The following LTN1 variants were observed in gnomAD, a reference collection of about 807,000 sequenced individuals.
The protein encoded by LTN1 is E3 ubiquitin-protein ligase listerin.
In LTN1, 88 loss-of-function variants were observed where a neutral mutation model predicts 201.2. That is an observed-to-expected ratio of 0.44 (90% CI 0.37 to 0.52). LTN1 has a LOEUF of 0.52. Ranked by LOEUF, LTN1 falls within the 20% of genes least tolerant of loss-of-function variation. The pLI is 0.00. For missense variants in LTN1, 1,752 were observed against 2,038.7 expected (o/e 0.86, Z 2.71); for synonymous variants, 645 against 713.5 (o/e 0.90, Z 1.53).
Position 28,984,719 on chromosome 21 carries a change from T to C in LTN1, c.549A>G (p.Ile183Met). Residue 183 changes from isoleucine to methionine, a missense_variant, in exon 4 of 30, where the codon ATA (isoleucine) becomes ATG (methionine). Transcript: ENST00000361371. ...AFPPSKQPEA[I>M]AFCKDEITSV... ...TTGTAATTTCATCCTTACAAAATGC[T>C]ATGGCTTCAGGTTGCTTGCTTGGAG... 1 of 1,613,874 alleles carries C rather than the reference T, an allele frequency of 6.2e-7. No homozygotes were observed. The highest frequency in any genetic ancestry group is 1.1e-5 in the South Asian group (1 of 91,062).
rs917156474 is a variant in LTN1, at chr21:28,928,542, C to T, written c.*1906G>A. On this transcript the variant is annotated 3_prime_UTR_variant, in exon 30 of 30. Coordinates refer to ENST00000361371, the MANE Select transcript of LTN1 (RefSeq NM_015565.3). ...TAATCCTTTTAGTTAGAGTTGTCAA[C>T]GCTGTACAGATGTGGTATTCTGAAT... 3.0e-5 allele frequency: 3 copies of T among 100,888 alleles called. No homozygotes were observed. Among genetic ancestry groups the T allele is most frequent in the Non-Finnish European group, 5.6e-5 (3 of 53,166 alleles). 6.2% of individuals were successfully genotyped at this position (100,888 alleles called of 1,614,324 possible). A position where few individuals can be genotyped will look rare whatever the true frequency, so the allele number is the denominator to read the frequency against.
At chr21:28,953,886 G>T (rs1426602816) in intron 16 of LTN1, among the ~76,000 whole-genome samples, 10 of 152,126 alleles carry the variant, frequency 6.6e-5, no homozygotes, top group Non-Finnish European at 1.5e-5. Context: ...TACCTCACAG[G>T]ACTGCTGTGA....
chr21:28,968,708 G>T (rs1430889318), intron 9 of LTN1, among the ~76,000 whole-genome samples: 1 of 151,712 alleles, frequency 6.6e-6, no homozygotes, highest in African/African-American at 2.4e-5. Context: ...CTGCCTCCCA[G>T]GTTCAAGCAA....
At position 28,960,593 on chromosome 21, in the gene LTN1, G is replaced by A. The variant is rs767983316; in HGVS notation, c.2277C>T (p.Ser759=). The A allele has an allele frequency of 4.7e-5, 76 of 1,613,558 alleles. No homozygotes were observed. Among genetic ancestry groups the A allele is most frequent in the Middle Eastern group, 3.3e-4 (2 of 6,084 alleles). The part of the protein sequence containing the change: ...ADCLCNEDLE[S]RVSSESHFSE... ...AGAAGTGAGATTCTGAAGATACCCTGGATTCCAAGTCCTCATTACAAAGAC... is the reference window on the plus strand; with the variant it reads ...AGAAGTGAGATTCTGAAGATACCCTAGATTCCAAGTCCTCATTACAAAGAC... The change falls in exon 12 of 30, where the codon TCC becomes TCT. Residue 759 remains serine, a synonymous_variant. Coordinates refer to ENST00000361371, the MANE Select transcript of LTN1 (RefSeq NM_015565.3).
intron 17 of LTN1, 125 bp from the exon 18 acceptor site, chr21:28,952,389 C>T: frequency 1.8e-6 from 1 of 557,022 alleles, no homozygotes; most frequent in Non-Finnish European, 3.2e-6. Flanking sequence ...CATCAATTCA[C>T]CTAAGACTTT....
intron 9 of LTN1, among the ~76,000 whole-genome samples, chr21:28,968,991 C>T (rs1398888670): frequency 2.6e-5 from 4 of 151,570 alleles, no homozygotes; most frequent in East Asian, 2.0e-4. Context: ...GAAGCCGAGG[C>T]GGGTAGATCA....
rs770655020 is a variant in LTN1, at chr21:28,930,472, T to C, written c.5277A>G (p.Pro1759=). The C allele has an allele frequency of 3.7e-6, 6 of 1,613,228 alleles. No individual in the cohort carries two copies. The highest frequency in any genetic ancestry group is 3.3e-5 in the Admixed American group (2 of 59,852). Residue 1759 remains proline (P), a synonymous_variant, in exon 30 of 30, where the codon CCA becomes CCG. Coordinates refer to ENST00000361371, the MANE Select transcript of LTN1 (RefSeq NM_015565.3). ...WFTSSNKSTC[P]LCRETFF is the part of the protein sequence containing the mutation. The stretch of plus-strand genomic sequence containing the variant: ...CTCAGAAAAACGTCTCACGACACAG[T>C]GGACAAGTGGATTTGTTGCTAGATG...
rs934800211 is a variant in LTN1 at position 28,947,342 on chromosome 21, T to A, written c.3487+122A>T. On this transcript the variant is annotated intron_variant, in intron 19 of 29. Coordinates refer to ENST00000361371, the MANE Select transcript of LTN1 (RefSeq NM_015565.3). ...TGTCTAACAACACTCATCCATATAA[T>A]CTCAGAACAAATCAGCTGTAATTCA... 1.2e-5 allele frequency: 9 copies of A among 779,782 alleles called. No individual in the cohort carries two copies. The African/African-American group carries it at 1.6e-4, about 14-fold the overall frequency. 48.3% of individuals were successfully genotyped at this position (779,782 alleles called of 1,614,324 possible). A position where few individuals can be genotyped will look rare whatever the true frequency, so the allele number is the denominator to read the frequency against.
At chr21:28,982,780 G>A (rs147532635) in intron 4 of LTN1, among the ~76,000 whole-genome samples, 3 of 152,152 alleles carry the variant, frequency 2.0e-5, no homozygotes, top group South Asian at 2.1e-4. Context: ...TCAAATATAC[G>A]GAAGTCTGTT....
chr21:28,928,199 A>G lies in LTN1; in HGVS notation c.*2249T>C, dbSNP rs1304604625. On this transcript the variant is annotated 3_prime_UTR_variant, in exon 30 of 30. Transcript: ENST00000361371. ...TTAAAAATCAGAAGCAAATATGGCA[A>G]AATAGTATGTGAAGGGTACAAGGGC... 3 of 152,628 alleles carry G rather than the reference A, an allele frequency of 2.0e-5. No individual in the cohort carries two copies. Among genetic ancestry groups the G allele is most frequent in the Non-Finnish European group, 2.9e-5 (2 of 68,020 alleles). The allele number at this position is 152,628 out of a possible 1,614,324, so 9.5% of individuals were successfully genotyped here.
At chr21:28,967,242 C>T in intron 9 of LTN1, 63 bp from the exon 10 acceptor site, 1 of 1,165,200 alleles carries the variant, frequency 8.6e-7, no homozygotes, top group Non-Finnish European at 1.2e-6. Context: ...TCTCCTGGCA[C>T]ACAACTCTAA....
intron 1 of LTN1, among the ~76,000 whole-genome samples, chr21:28,988,895 G>C (rs897285361): frequency 1.3e-5 from 2 of 151,616 alleles, no homozygotes; most frequent in Non-Finnish European, 2.9e-5. Context: ...AACCCAGGGG[G>C]CAGAGATTGC....
At chr21:28,954,950 AG>A (rs2084412527) in intron 16 of LTN1, among the ~76,000 whole-genome samples, 2 of 152,204 alleles carry the variant, frequency 1.3e-5, no homozygotes, top group African/African-American at 4.8e-5. Flanking sequence ...TTAAACTAAA[AG>A]CTTTCTGCAC....
chr21:28,989,832 T>C (rs1568861630), intron 1 of LTN1, among the ~76,000 whole-genome samples: 1 of 152,072 alleles, frequency 6.6e-6, no homozygotes, highest in Non-Finnish European at 1.5e-5. Context: ...CTAGCCAACA[T>C]GGCAAAACCC....
intron 25 of LTN1, among the ~76,000 whole-genome samples, chr21:28,940,451 A>C (rs560508889): frequency 6.4e-4 from 98 of 152,334 alleles, no homozygotes; most frequent in Middle Eastern, 3.4e-3. Context: ...AACAGTTTGA[A>C]TTATTACATA....
In LTN1 at chr21:28,966,806, T is replaced by G; in HGVS notation, c.1685A>C (p.Lys562Thr). The G allele has an allele frequency of 6.2e-7, 1 of 1,613,180 alleles. No individual in the cohort carries two copies. Among genetic ancestry groups the G allele is most frequent in the Non-Finnish European group, 8.5e-7 (1 of 1,179,766 alleles). ...NEKCVSSEGE[K>T]IEGWELTTEP... is the part of the protein sequence containing the mutation. ...AGTTGTTAATTCCCAGCCTTCAATC[T>G]TCTCTCCTTCTGAAGATACACATTT... The change falls in exon 10 of 30, where the codon AAG (lysine) becomes ACG (threonine). Residue 562 changes from lysine (K) to threonine (T), a missense_variant. Around this residue, in one of 3 missense-constraint regions of LTN1, gnomAD observed 1,211 missense variants for 1,312.8 expected, o/e 0.92. Coordinates refer to ENST00000361371, the MANE Select transcript of LTN1 (RefSeq NM_015565.3).
rs755990763 is a variant in LTN1, at chr21:28,957,435, G to A, written c.2789C>T (p.Thr930Ile). ...LLSAVDDLLN[T>I]LLESEDSYLM... ...ATAAGAATCTTCACTCTCTAGAAGT[G>A]TATTTAGCAAATCATCAACAGCAGA... The change falls in exon 15 of 30, where the codon ACA (threonine) becomes ATA (isoleucine). Residue 930 changes from threonine (T) to isoleucine (I), a missense_variant. Physicochemically the swap from Thr to Ile is moderately conservative, Grantham distance 89. Coordinates refer to ENST00000361371, the MANE Select transcript of LTN1 (RefSeq NM_015565.3). 7.5e-6 allele frequency: 12 copies of A among 1,590,064 alleles called. No homozygotes were observed. In the East Asian group the frequency reaches 9.0e-5, roughly 12 times the overall value.
At chr21:28,931,349 C>T (rs976565641) in intron 28 of LTN1, 27 bp from the exon 29 acceptor site, 2 of 1,379,592 alleles carry the variant, frequency 1.4e-6, no homozygotes, top group African/African-American at 2.9e-5. Flanking sequence ...AAATAAGTCA[C>T]TACACACTGA....
At chr21:28,941,776 T>A (rs1294315096) in intron 24 of LTN1, among the ~76,000 whole-genome samples, 2 of 152,306 alleles carry the variant, frequency 1.3e-5, no homozygotes, top group Non-Finnish European at 2.9e-5. Context: ...AAAGTGAAGA[T>A]TAAGACTTCG....
Sources: gnomAD v4.1 joint callset for allele counts (sites outside exome capture counted in the v4.1 genomes callset) on GRCh38, gnomAD v4.1.1 for gene constraint, gnomAD v4.1.1 regional missense constraint, MANE v1.5 for transcripts, NCBI Gene and HGNC (gene_info 2026-07-23, HGNC 2026-07-21) for gene names.